Variants in LRRN2 observed in about 807,000 individuals in gnomAD.
LRRN2 encodes leucine rich repeat neuronal 2, also known as leucine-rich repeat neuronal protein 2.
Under a neutral mutation model 35.7 loss-of-function variants are expected in LRRN2, and 10 were observed. The observed-to-expected ratio is 0.28, with a 90% CI of 0.17 to 0.47. LRRN2 has a LOEUF of 0.47. LRRN2 is among the 20% of genes least tolerant of loss of function. LRRN2 has a pLI of 0.99. For missense variants in LRRN2, 731 were observed against 940.3 expected (o/e 0.78, Z 2.91); for synonymous variants, 391 against 409.6 (o/e 0.95, Z 0.55).
At chr1:204,661,937 C>G (rs1668481531) in intron 1 of LRRN2, among the ~76,000 whole-genome samples, 2 of 152,206 alleles carry the variant, frequency 1.3e-5, no homozygotes, top group African/African-American at 4.8e-5. Flanking sequence ...CCTGGGCACC[C>G]TGCCCCAGGA....
rs1667845368 is a variant in LRRN2, at chr1:204,636,771, T to C, written c.-226-16553A>G. On this transcript the variant is annotated intron_variant, in intron 1 of 1. Coordinates refer to ENST00000367177, the MANE Select transcript of LRRN2 (RefSeq NM_201630.2). ...CAGAGGGTGACTCTGTCTTTTAGAA[T>C]AAATAAAATAAAATATATTGATGCC... Among the ~76,000 whole-genome samples, 9 of 152,192 alleles carry C rather than the reference T, an allele frequency of 5.9e-5. 1 individual carries two copies. In the South Asian group the frequency reaches 1.9e-3, roughly 32 times the overall value.
chr1:204,684,515 GCT>G (rs1414459886), intron 1 of LRRN2, among the ~76,000 whole-genome samples: 1 of 152,220 alleles, frequency 6.6e-6, no homozygotes, highest in Non-Finnish European at 1.5e-5. Flanking sequence ...CCCAGATGGA[GCT>G]CAGTTCCCTC....
chr1:204,659,417 T>C (rs971440053), intron 1 of LRRN2, among the ~76,000 whole-genome samples: 1 of 152,164 alleles, frequency 6.6e-6, no homozygotes, highest in Non-Finnish European at 1.5e-5. Context: ...GCACCCTGCA[T>C]GGAGCCCGGC....
At chr1:204,620,299 A>T in intron 1 of LRRN2, 81 bp from the exon 2 acceptor site, 2 of 1,002,212 alleles carry the variant, frequency 2.0e-6, no homozygotes, top group Non-Finnish European at 1.4e-6. Flanking sequence ...TGTTTGAGAC[A>T]GAGTCTCATT....
At chr1:204,625,185 C>T (rs1055623985) in intron 1 of LRRN2, among the ~76,000 whole-genome samples, 1 of 152,182 alleles carries the variant, frequency 6.6e-6, no homozygotes, top group Non-Finnish European at 1.5e-5. Context: ...GCTGTGTGAC[C>T]TTGGGCAAAG....
intron 1 of LRRN2, among the ~76,000 whole-genome samples, chr1:204,676,858 T>C (rs918339017): frequency 2.0e-5 from 3 of 152,172 alleles, no homozygotes; most frequent in Non-Finnish European, 2.9e-5. Context: ...AATGTGGTAG[T>C]TGAGAATCAG....
At chr1:204,664,477 C>T (rs916448460) in intron 1 of LRRN2, 2 of 152,240 alleles carry the variant, frequency 1.3e-5, no homozygotes, top group Admixed American at 6.5e-5. Flanking sequence ...CTCTGCGCAG[C>T]TCGTTCATTC....
At position 204,630,066 on chromosome 1, in the gene LRRN2, T is replaced by C. The variant is rs557501177; in HGVS notation, c.-226-9848A>G. Among the ~76,000 whole-genome samples the C allele has an allele frequency of 5.9e-5, 9 of 152,276 alleles. No homozygotes were observed. In the South Asian group the frequency reaches 1.7e-3, roughly 28 times the overall value. On this transcript the variant is annotated intron_variant, in intron 1 of 1. Coordinates refer to ENST00000367177, the MANE Select transcript of LRRN2 (RefSeq NM_201630.2). Reference sequence around the variant, plus strand: ...ATGCAATTTTCCTCAGTAACAAATCTGCACATGGACCCCCTATACATAAAA... The same window carrying C: ...ATGCAATTTTCCTCAGTAACAAATCCGCACATGGACCCCCTATACATAAAA...
At position 204,635,051 on chromosome 1, in the gene LRRN2, G is replaced by A. The variant is rs1667799427; in HGVS notation, c.-226-14833C>T. ...GGAAAAAATCTGGGAAGGGATTCAG[G>A]AGCTATTGGTCAGGTGGGCAGGAAG... On this transcript the variant is annotated intron_variant, in intron 1 of 1. Coordinates refer to ENST00000367177, the MANE Select transcript of LRRN2 (RefSeq NM_201630.2). 2.6e-5 allele frequency among the ~76,000 whole-genome samples: 4 copies of A among 152,304 alleles called. No homozygotes were observed. The South Asian group carries it at 8.3e-4, about 32-fold the overall frequency.
chr1:204,683,852 GC>G (rs1558426528), intron 1 of LRRN2, among the ~76,000 whole-genome samples: 1 of 152,196 alleles, frequency 6.6e-6, no homozygotes, highest in Non-Finnish European at 1.5e-5. Context: ...CCATCGTTTC[GC>G]CACAACAGCA....
chr1:204,678,622 C>T (rs1024715909), intron 1 of LRRN2, among the ~76,000 whole-genome samples: 9 of 152,150 alleles, frequency 5.9e-5, no homozygotes, highest in African/African-American at 2.2e-4. Context: ...ACTCCAGCCA[C>T]GCCAGCCTCC....
At chr1:204,650,032 C>T (rs946063121) in intron 1 of LRRN2, among the ~76,000 whole-genome samples, 18 of 152,328 alleles carry the variant, frequency 1.2e-4, no homozygotes, top group Admixed American at 1.3e-4. Flanking sequence ...TGGGCTGAGC[C>T]GGAGGTGCTC....
At chr1:204,630,567 C>A (rs1218909974) in intron 1 of LRRN2, among the ~76,000 whole-genome samples, 2 of 151,426 alleles carry the variant, frequency 1.3e-5, no homozygotes, top group Non-Finnish European at 3.0e-5. Flanking sequence ...TGCCTGCTCC[C>A]TGTCAGCTGT....
At chr1:204,672,274 A>T (rs79548557) in intron 1 of LRRN2, among the ~76,000 whole-genome samples, 2,166 of 152,328 alleles carry the variant, frequency 0.014, 24 homozygotes, top group Admixed American at 0.021. Flanking sequence ...TCCCAAGGGC[A>T]CTAATACGCT....
In LRRN2 at chr1:204,617,571, A is replaced by T. The variant is rs1666429272; in HGVS notation, c.*280T>A. On this transcript the variant is annotated 3_prime_UTR_variant, in exon 2 of 2. Transcript: ENST00000367177. The stretch of plus-strand genomic sequence containing the variant: ...CAGGCCCAGGAGCCTCTGGGCAGAG[A>T]GAAGATGGGGAGGCAGGAGGCTCTA... 1 of 438,220 alleles carries T rather than the reference A, an allele frequency of 2.3e-6. No homozygotes were observed. Among genetic ancestry groups the T allele is most frequent in the Non-Finnish European group, 4.1e-6 (1 of 241,984 alleles). 27.1% of individuals were successfully genotyped at this position (438,220 alleles called of 1,614,324 possible). A position where few individuals can be genotyped will look rare whatever the true frequency, so the allele number is the denominator to read the frequency against.
chr1:204,642,376 G>A (rs1018251694), intron 1 of LRRN2, among the ~76,000 whole-genome samples: 6 of 152,134 alleles, frequency 3.9e-5, no homozygotes, highest in Non-Finnish European at 8.8e-5. Context: ...GGAGACAGGT[G>A]CAGGTGTACA....
chr1:204,620,045 C>G lies in LRRN2; in HGVS notation c.-53G>C, dbSNP rs576191531. 1.0e-5 allele frequency: 16 copies of G among 1,553,968 alleles called. No individual in the cohort carries two copies. In the Admixed American group the frequency reaches 1.4e-4, roughly 13 times the overall value. On this transcript the variant is annotated 5_prime_UTR_variant, in exon 2 of 2. Coordinates refer to ENST00000367177, the MANE Select transcript of LRRN2 (RefSeq NM_201630.2). ...CACAAGAAGAGTCTGGAGTCCTGCT[C>G]TTTGTGTTTTGCAGGGTAAGGGTCA...
chr1:204,649,338 A>G (rs1668174980), intron 1 of LRRN2, among the ~76,000 whole-genome samples: 1 of 152,166 alleles, frequency 6.6e-6, no homozygotes, highest in African/African-American at 2.4e-5. Context: ...GGGCAGGGAT[A>G]GGTCTTATTT....
At chr1:204,645,635 A>G (rs1054821932) in intron 1 of LRRN2, among the ~76,000 whole-genome samples, 1 of 152,224 alleles carries the variant, frequency 6.6e-6, no homozygotes, top group Non-Finnish European at 1.5e-5. Flanking sequence ...TCACACTGCT[A>G]TGAAGAAATA....
Sources: gnomAD v4.1 joint callset for allele counts (sites outside exome capture counted in the v4.1 genomes callset) on GRCh38, gnomAD v4.1.1 for gene constraint, MANE v1.5 for transcripts, NCBI Gene and HGNC (gene_info 2026-07-23, HGNC 2026-07-21) for gene names.